GRIA3: variants seen among roughly 807,000 people sequenced by gnomAD.
The protein encoded by GRIA3 is glutamate receptor 3.
GRIA3 carries 3 observed loss-of-function variants against 63.0 expected under a neutral mutation model. The ratio of observed to expected loss-of-function variants is 0.05; its 90% confidence interval spans 0.02 to 0.12. GRIA3 has a LOEUF of 0.12. Ranked by LOEUF, GRIA3 falls within the 10% of genes least tolerant of loss-of-function variation. The probability of loss-of-function intolerance (pLI) is 1.00; values close to 1 mark genes in which losing one functional copy is unlikely to be tolerated. For missense variants in GRIA3, 347 were observed against 700.9 expected (o/e 0.50, Z 5.70); for synonymous variants, 274 against 257.9 (o/e 1.06, Z -0.60).
intron 5 of GRIA3, among the ~76,000 whole-genome samples, chrX:123,381,365 CT>C (rs1451599944): frequency 8.9e-6 from 1 of 111,786 alleles, no homozygotes; most frequent in African/African-American, 3.3e-5. Context: ...TGACCCTTAC[CT>C]TTTTATTTAC....
Position 123,356,722 on chromosome X carries a change from A to G in GRIA3, c.750+1759A>G, listed in dbSNP as rs141575222. ...ACATGAATGACTAAGTTTGAGATAT[A>G]ACATTGAACTGGGGATCAGAAAGTT... On this transcript the variant is annotated intron_variant, in intron 5 of 15. Transcript: ENST00000620443. Among the ~76,000 whole-genome samples, 927 of 111,635 alleles carry G rather than the reference A, an allele frequency of 8.3e-3. 10 individuals carry two copies. Among genetic ancestry groups the G allele is most frequent in the African/African-American group, 0.028 (873 of 30,733 alleles).
intron 5 of GRIA3, among the ~76,000 whole-genome samples, chrX:123,374,076 C>G (rs1398583935): frequency 8.9e-6 from 1 of 111,783 alleles, no homozygotes; most frequent in Non-Finnish European, 1.9e-5. Flanking sequence ...CTACATATGG[C>G]TAGCCAGTTT....
chrX:123,455,324 T>C (rs2045755524), intron 12 of GRIA3, among the ~76,000 whole-genome samples: 1 of 111,783 alleles, frequency 8.9e-6, no homozygotes, highest in East Asian at 2.8e-4. Flanking sequence ...CAAACCTAAG[T>C]GAAGGAAGAA....
At chrX:123,245,352 A>G (rs1307740629) in intron 2 of GRIA3, among the ~76,000 whole-genome samples, 1 of 111,939 alleles carries the variant, frequency 8.9e-6, no homozygotes, top group African/African-American at 3.3e-5. Context: ...TCTGGAGCTC[A>G]GGAGTGTGGC....
chrX:123,391,218 C>T (rs924299544), intron 5 of GRIA3, among the ~76,000 whole-genome samples: 4 of 110,838 alleles, frequency 3.6e-5, no homozygotes, highest in African/African-American at 9.8e-5. Context: ...TTTACTTTTT[C>T]GTACTTTTTG....
chrX:123,211,138 C>T (rs1928031519), intron 2 of GRIA3, among the ~76,000 whole-genome samples: 1 of 111,477 alleles, frequency 9.0e-6, no homozygotes, highest in Non-Finnish European at 1.9e-5. Flanking sequence ...TTAGTGAACC[C>T]TTGTATATCT....
At chrX:123,258,567 C>G (rs1293734786) in intron 3 of GRIA3, among the ~76,000 whole-genome samples, 1 of 111,542 alleles carries the variant, frequency 9.0e-6, no homozygotes, top group East Asian at 2.8e-4. Context: ...AACATTTCCC[C>G]CAGAACAGCA....
At chrX:123,315,036 G>C (rs1304738233) in intron 3 of GRIA3, among the ~76,000 whole-genome samples, 1 of 111,693 alleles carries the variant, frequency 9.0e-6, no homozygotes, top group Non-Finnish European at 1.9e-5. Context: ...CGTTTGGATT[G>C]AGAGACAATT....
intron 4 of GRIA3, among the ~76,000 whole-genome samples, chrX:123,343,186 G>A (rs769136817): frequency 9.0e-6 from 1 of 111,638 alleles, no homozygotes; most frequent in Non-Finnish European, 1.9e-5. Context: ...AACACCATGC[G>A]TTGTACATAA....
intron 4 of GRIA3, among the ~76,000 whole-genome samples, chrX:123,351,839 C>T (rs2045096507): frequency 8.9e-6 from 1 of 112,080 alleles, no homozygotes; most frequent in Non-Finnish European, 1.9e-5. Context: ...CTTTGTGACA[C>T]TTTAATGTTC....
intron 2 of GRIA3, among the ~76,000 whole-genome samples, chrX:123,187,661 T>G (rs757976765): frequency 8.9e-6 from 1 of 112,073 alleles, no homozygotes; most frequent in East Asian, 2.8e-4. Context: ...AATATTTATT[T>G]CAACTCCCTT....
At position 123,430,440 on chromosome X, in the gene GRIA3, T is replaced by C. The variant is rs150462585; in HGVS notation, c.2076+2301T>C. ...TAAAAGTGGAACTATAAAAGCAGCA[T>C]AGAAAAACCAACTCCTTTAACCTGC... On this transcript the variant is annotated intron_variant, in intron 12 of 15. Transcript: ENST00000620443. Among the ~76,000 whole-genome samples the C allele has an allele frequency of 3.9e-3, 430 of 111,343 alleles. 1 individual carries two copies. The highest frequency in any genetic ancestry group is 0.014 in the African/African-American group (415 of 30,646).
intron 4 of GRIA3, among the ~76,000 whole-genome samples, chrX:123,352,173 C>T (rs868038121): frequency 6.3e-5 from 7 of 110,816 alleles, no homozygotes; most frequent in Admixed American, 2.9e-4. Flanking sequence ...CTCCGCCTCC[C>T]GGGTTCAAGT....
At chrX:123,226,587 A>G (rs974752296) in intron 2 of GRIA3, among the ~76,000 whole-genome samples, 1 of 111,492 alleles carries the variant, frequency 9.0e-6, no homozygotes, top group Non-Finnish European at 1.9e-5. Flanking sequence ...TGATGAGCTG[A>G]CCAAACATGC....
chrX:123,339,755 C>A (rs1233615464), intron 4 of GRIA3, among the ~76,000 whole-genome samples: 2 of 112,343 alleles, frequency 1.8e-5, no homozygotes, highest in Admixed American at 1.9e-4. Flanking sequence ...GTAAGAAGTG[C>A]TGATTCAAAA....
chrX:123,336,972 G>A (rs1195971944), intron 4 of GRIA3, among the ~76,000 whole-genome samples: 1 of 111,981 alleles, frequency 8.9e-6, no homozygotes, highest in Non-Finnish European at 1.9e-5. Flanking sequence ...TTCTTAAGGG[G>A]GAGAAAATGA....
rs1041242545 is a variant in GRIA3 at position 123,489,995 on chromosome X, C to T, written c.*1285C>T. ...TCTCTCTATTGACTCTCTCAGATCG[C>T]TCCACTGCTCCATGGGCTATCAAGT... On this transcript the variant is annotated 3_prime_UTR_variant, in exon 16 of 16. Coordinates refer to ENST00000620443, the MANE Select transcript of GRIA3 (RefSeq NM_007325.5). 8.9e-6 allele frequency: 1 copy of T among 112,555 alleles called. No individual in the cohort carries two copies. Among genetic ancestry groups the T allele is most frequent in the African/African-American group, 3.2e-5 (1 of 30,905 alleles). The allele number at this position is 112,555 out of a possible 1,213,427, so 9.3% of individuals were successfully genotyped here.
intron 4 of GRIA3, among the ~76,000 whole-genome samples, chrX:123,350,624 T>C (rs1199657601): frequency 2.7e-5 from 3 of 112,425 alleles, no homozygotes; most frequent in Admixed American, 9.4e-5. Context: ...AACTGCTCAG[T>C]GATACCCAAC....
intron 2 of GRIA3, among the ~76,000 whole-genome samples, chrX:123,200,567 A>G (rs1331376736): frequency 2.0e-5 from 2 of 101,490 alleles, no homozygotes; most frequent in Non-Finnish European, 4.0e-5. Context: ...AAGTCATTAT[A>G]TATGAGCCCA....
Sources: gnomAD v4.1 joint callset for allele counts (sites outside exome capture counted in the v4.1 genomes callset) on GRCh38, gnomAD v4.1.1 for gene constraint, MANE v1.5 for transcripts, NCBI Gene and HGNC (gene_info 2026-07-23, HGNC 2026-07-21) for gene names.